Variants in CAPN13 observed in about 807,000 individuals in gnomAD.
CAPN13 encodes calpain-13.
Under a neutral mutation model 98.4 loss-of-function variants are expected in CAPN13, and 90 were observed. The ratio of observed to expected loss-of-function variants is 0.92; its 90% CI spans 0.77 to 1.09. CAPN13 has a LOEUF of 1.09. Ranked by LOEUF, CAPN13 falls within the 50% of genes least tolerant of loss-of-function variation. The pLI, the probability that CAPN13 is intolerant of heterozygous loss-of-function variation, is 0.00. For synonymous variants in CAPN13, 330 were observed against 305.5 expected (o/e 1.08, Z -0.84); for missense variants, 887 against 841.3 (o/e 1.05, Z -0.67).
intron 19 of CAPN13, among the ~76,000 whole-genome samples, chr2:30,733,893 C>T (rs975348910): frequency 6.6e-6 from 1 of 152,164 alleles, no homozygotes; most frequent in African/African-American, 2.4e-5. Flanking sequence ...TCCCAGTTTG[C>T]AGGGTAGTTG....
Position 30,732,566 on chromosome 2 carries a change from T to A in CAPN13, c.1799A>T (p.Asp600Val), listed in dbSNP as rs369462045. Residue 600 changes from aspartate to valine, a missense_variant and splice_region_variant, in exon 20 of 23, where the codon GAC becomes GTC. By Grantham distance (152) the Asp-to-Val change is radical. Transcript: ENST00000295055. ...GCTGATGAAGATCCCTCTGAGGAAG[T>A]CTGGGGCCACAGGTGAACGAGTGAG... is the stretch of plus-strand genomic sequence containing the variant. ...SDLWKAIENT[D>V]FLRGIFISRE... 77 of 1,606,782 alleles carry A rather than the reference T, an allele frequency of 4.8e-5. No individual in the cohort carries two copies. Among genetic ancestry groups the A allele is most frequent in the African/African-American group, 6.7e-5 (5 of 74,788 alleles).
intron 18 of CAPN13, 51 bp from the exon 19 acceptor site, chr2:30,734,575 G>A (rs1671265314): frequency 1.5e-5 from 21 of 1,437,462 alleles, no homozygotes; most frequent in Non-Finnish European, 2.0e-5. Flanking sequence ...GGAAGGTCTG[G>A]ATACTCCTTT....
intron 8 of CAPN13, among the ~76,000 whole-genome samples, chr2:30,756,075 C>T (rs1350510624): frequency 2.0e-5 from 3 of 152,080 alleles, no homozygotes; most frequent in East Asian, 1.9e-4. Context: ...AGCCAAGGTA[C>T]AATACGAGAT....
intron 5 of CAPN13, among the ~76,000 whole-genome samples, chr2:30,767,829 C>A (rs1192320963): frequency 6.6e-6 from 1 of 152,186 alleles, no homozygotes; most frequent in Middle Eastern, 3.2e-3. Flanking sequence ...GTGGTGCTAT[C>A]ACCACCTCTA....
At chr2:30,775,293 A>G (rs1208943573) in intron 4 of CAPN13, among the ~76,000 whole-genome samples, 1 of 152,194 alleles carries the variant, frequency 6.6e-6, no homozygotes, top group African/African-American at 2.4e-5. Flanking sequence ...TGAATTAATC[A>G]AGAAAGATAC....
chr2:30,801,016 T>C (rs78946853), intron 1 of CAPN13, among the ~76,000 whole-genome samples: 17,905 of 152,170 alleles, frequency 0.12, 1,334 homozygotes, highest in East Asian at 0.16. Context: ...TAATTCAAAT[T>C]TTTTCTGAAA....
chr2:30,790,790 CTA>C, intron 1 of CAPN13, among the ~76,000 whole-genome samples: 1 of 152,158 alleles, frequency 6.6e-6, no homozygotes. Context: ...TAATGGAACA[CTA>C]GGCATAAATG....
chr2:30,771,575 G>A (rs1177939171), intron 4 of CAPN13, among the ~76,000 whole-genome samples: 1 of 152,216 alleles, frequency 6.6e-6, no homozygotes, highest in Non-Finnish European at 1.5e-5. Flanking sequence ...CGGCAGTGAG[G>A]TTGAGAGGCA....
intron 1 of CAPN13, among the ~76,000 whole-genome samples, chr2:30,797,471 C>CCT (rs1174895077): frequency 5.9e-5 from 9 of 152,182 alleles, no homozygotes; most frequent in Non-Finnish European, 8.8e-5. Context: ...CTCTGAGCCT[C>CCT]CTTTCCTTAC....
chr2:30,802,548 G>C (rs905245690), intron 1 of CAPN13, among the ~76,000 whole-genome samples: 65 of 149,450 alleles, frequency 4.3e-4, no homozygotes, highest in Non-Finnish European at 4.8e-4. Flanking sequence ...AGGCTGGGGG[G>C]GGGGGGTGGT....
chr2:30,797,522 C>T (rs942185270), intron 1 of CAPN13, among the ~76,000 whole-genome samples: 10 of 152,174 alleles, frequency 6.6e-5, no homozygotes, highest in African/African-American at 1.7e-4. Flanking sequence ...AAACCAGCCT[C>T]GTAGCAGCAG....
At chr2:30,753,264 G>T in intron 9 of CAPN13, 66 bp from the exon 10 acceptor site, 1 of 1,544,232 alleles carries the variant, frequency 6.5e-7, no homozygotes, top group South Asian at 1.2e-5. Flanking sequence ...GGGTTCCTAT[G>T]ACTTCACAGC....
chr2:30,733,686 G>C (rs1400802659), intron 19 of CAPN13, among the ~76,000 whole-genome samples: 2 of 152,134 alleles, frequency 1.3e-5, no homozygotes, highest in African/African-American at 4.8e-5. Context: ...CTACAGGTGG[G>C]GGCAACGGTC....
intron 7 of CAPN13, among the ~76,000 whole-genome samples, chr2:30,760,817 C>T (rs938642939): frequency 9.2e-5 from 14 of 152,186 alleles, no homozygotes; most frequent in Non-Finnish European, 1.6e-4. Flanking sequence ...AGGCCAAGGC[C>T]ATGGCTACAC....
At chr2:30,738,857 A>G (rs1034206773) in intron 15 of CAPN13, among the ~76,000 whole-genome samples, 2 of 136,788 alleles carry the variant, frequency 1.5e-5, no homozygotes, top group Non-Finnish European at 3.3e-5. Context: ...AACTATGACT[A>G]CTGTGTGCAT....
intron 7 of CAPN13, among the ~76,000 whole-genome samples, chr2:30,758,752 C>A (rs78072956): frequency 2.0e-4 from 28 of 139,658 alleles, no homozygotes; most frequent in African/African-American, 7.5e-4. Flanking sequence ...ACTTCCCTCC[C>A]TCCCTCTCTT....
intron 7 of CAPN13, among the ~76,000 whole-genome samples, chr2:30,759,332 C>A (rs1247182084): frequency 1.3e-5 from 2 of 152,306 alleles, no homozygotes; most frequent in African/African-American, 4.8e-5. Flanking sequence ...TGCTCCCTCA[C>A]ACCGCTTAAG....
At chr2:30,763,789 T>C (rs1361802262) in intron 6 of CAPN13, among the ~76,000 whole-genome samples, 1 of 152,218 alleles carries the variant, frequency 6.6e-6, no homozygotes, top group African/African-American at 2.4e-5. Flanking sequence ...CGTTCACCAG[T>C]GCATGGTAAA....
At chr2:30,792,873 C>G (rs1006469939) in intron 1 of CAPN13, among the ~76,000 whole-genome samples, 1 of 151,830 alleles carries the variant, frequency 6.6e-6, no homozygotes, top group Non-Finnish European at 1.5e-5. Context: ...GATACCACAT[C>G]ATAAGTTGGG....
Sources: gnomAD v4.1 joint callset for allele counts (sites outside exome capture counted in the v4.1 genomes callset) on GRCh38, gnomAD v4.1.1 for gene constraint, MANE v1.5 for transcripts, NCBI Gene and HGNC (gene_info 2026-07-23, HGNC 2026-07-21) for gene names.